ANK3: variants seen among roughly 807,000 people sequenced by gnomAD.
ANK3 encodes ankyrin-3.
ANK3 carries 57 observed loss-of-function variants against 370.9 expected under a neutral mutation model. The observed-to-expected ratio is 0.15, with a 90% confidence interval of 0.12 to 0.19. The LOEUF is 0.19. Ranked by LOEUF, ANK3 falls within the 10% of genes least tolerant of loss-of-function variation. ANK3 has a pLI of 1.00. For missense variants in ANK3, 4,439 were observed against 5,302.1 expected (o/e 0.84, Z 5.06); for synonymous variants, 1,929 against 1,946.3 (o/e 0.99, Z 0.23).
At chr10:60,080,382 G>T in intron 36 of ANK3, 155 bp downstream of exon 36, 1 of 626,286 alleles carries the variant, frequency 1.6e-6, no homozygotes, top group South Asian at 2.1e-5. Context: ...CTTCAACTAG[G>T]CACAAAATAT....
In ANK3 at chr10:60,140,138, C is replaced by G. The variant is rs138810470; in HGVS notation, c.2615-1051G>C. ...TTCCATTCATTTAAACTCAGGAAAC[C>G]GCAAGAGCTCAGCTTTTAAACTACC... On this transcript the variant is annotated intron_variant, in intron 23 of 43. Coordinates refer to ENST00000280772, the MANE Select transcript of ANK3 (RefSeq NM_020987.5). 1.4e-5 allele frequency: 8 copies of G among 575,626 alleles called. No individual in the cohort carries two copies. In the African/African-American group the frequency reaches 1.5e-4, roughly 11 times the overall value. 35.7% of individuals were successfully genotyped at this position (575,626 alleles called of 1,614,324 possible). A position where few individuals can be genotyped will look rare whatever the true frequency, so the allele number is the denominator to read the frequency against.
chr10:60,050,291 T>C (rs938428051), intron 42 of ANK3, among the ~76,000 whole-genome samples: 43 of 152,198 alleles, frequency 2.8e-4, no homozygotes, highest in African/African-American at 9.9e-4. Flanking sequence ...AGGAACCCTA[T>C]TGAGCTTACA....
intron 1 of ANK3, chr10:60,685,240 G>C: frequency 3.3e-6 from 1 of 300,880 alleles, no homozygotes; most frequent in Admixed American, 5.0e-5. Flanking sequence ...ATTTGTAGAG[G>C]ATGAGTAAAT....
chr10:60,570,752 A>G (rs1475797150), intron 2 of ANK3, among the ~76,000 whole-genome samples: 1 of 152,138 alleles, frequency 6.6e-6, no homozygotes, highest in East Asian at 1.9e-4. Context: ...TGAAGGAAGA[A>G]GGGCTCAAAG....
rs369120639 is a variant in ANK3, at chr10:60,200,122, C to T, written c.1491+7G>A. On this transcript the variant is annotated splice_region_variant and intron_variant, in intron 13 of 43. Transcript: ENST00000280772. ...AATTTCAAACACTTGTCAAGTATTGCGCATACCTTAGCTTTAGCTTCTACC... is the reference window on the plus strand; with the variant it reads ...AATTTCAAACACTTGTCAAGTATTGTGCATACCTTAGCTTTAGCTTCTACC... 9.3e-6 allele frequency: 15 copies of T among 1,610,588 alleles called. No individual in the cohort carries two copies. Among genetic ancestry groups the T allele is most frequent in the Admixed American group, 1.7e-5 (1 of 59,980 alleles).
In ANK3 at chr10:60,360,400, A is replaced by G. The variant is rs2058416306; in HGVS notation, c.114+29025T>C. ...GGTATGAAATATTTCTTACTATGTG[A>G]AGAGAAAAATAAAGAGTACTATCTA... On this transcript the variant is annotated intron_variant, in intron 1 of 43. Coordinates refer to ENST00000280772, the MANE Select transcript of ANK3 (RefSeq NM_020987.5). Among the ~76,000 whole-genome samples the G allele has an allele frequency of 2.0e-5, 3 of 152,320 alleles. No individual in the cohort carries two copies. The South Asian group carries it at 6.2e-4, about 32-fold the overall frequency.
intron 7 of ANK3, among the ~76,000 whole-genome samples, chr10:60,243,778 T>G (rs2097511199): frequency 6.6e-6 from 1 of 152,128 alleles, no homozygotes; most frequent in South Asian, 2.1e-4. Context: ...ATAATTTGGG[T>G]AGAAAAGACA....
At chr10:60,386,014 T>C (rs2062234681) in intron 1 of ANK3, among the ~76,000 whole-genome samples, 1 of 152,182 alleles carries the variant, frequency 6.6e-6, no homozygotes, top group Non-Finnish European at 1.5e-5. Context: ...GACTGCAGCC[T>C]GACCACAAAG....
At chr10:60,581,956 T>G (rs1205600663) in intron 2 of ANK3, among the ~76,000 whole-genome samples, 1 of 152,050 alleles carries the variant, frequency 6.6e-6, no homozygotes, top group Non-Finnish European at 1.5e-5. Context: ...AAAGGATGAG[T>G]TCATGTTATT....
At chr10:60,707,917 A>C (rs180960029) in intron 1 of ANK3, among the ~76,000 whole-genome samples, 1 of 152,204 alleles carries the variant, frequency 6.6e-6, no homozygotes, top group Non-Finnish European at 1.5e-5. Flanking sequence ...AAGGAAAAAA[A>C]GGGAAACAAG....
chr10:60,144,231 A>T (rs1233364949), intron 23 of ANK3: 1 of 443,932 alleles, frequency 2.3e-6, no homozygotes, highest in Non-Finnish European at 4.5e-6. Context: ...AACCAAAACA[A>T]AAATGAGAAA....
chr10:60,200,014 G>A (rs1485342083), intron 13 of ANK3, 115 bp downstream of exon 13: 1 of 726,046 alleles, frequency 1.4e-6, no homozygotes, highest in South Asian at 1.9e-5. Flanking sequence ...TATCATTGGA[G>A]GTTTTTCAAT....
intron 23 of ANK3, among the ~76,000 whole-genome samples, chr10:60,164,189 T>TA (rs1027448639): frequency 6.6e-6 from 1 of 152,164 alleles, no homozygotes; most frequent in African/African-American, 2.4e-5. Flanking sequence ...CATAAATACA[T>TA]AATAGGGCAA....
chr10:60,408,287 G>A (rs916272232), intron 2 of ANK3, among the ~76,000 whole-genome samples: 2 of 152,156 alleles, frequency 1.3e-5, no homozygotes, highest in African/African-American at 4.8e-5. Flanking sequence ...CCCAGTGTTG[G>A]GGTGTGGCTT....
chr10:60,689,677 A>C lies in ANK3; in HGVS notation c.57+43586T>G, dbSNP rs189045762. Among the ~76,000 whole-genome samples the C allele has an allele frequency of 5.4e-4, 82 of 151,672 alleles. 1 individual carries two copies. The East Asian group carries it at 0.012, about 22-fold the overall frequency. On this transcript the variant is annotated intron_variant, in intron 1 of 43. Coordinates refer to the ANK3 transcript ENST00000373827. ...TGAGGCAGGAGAATCGCCTGAACCC[A>C]GAAGGTGGAAGTTGCAGTGAGCCAA...
intron 2 of ANK3, among the ~76,000 whole-genome samples, chr10:60,490,220 C>T (rs986552342): frequency 1.3e-5 from 2 of 152,208 alleles, no homozygotes; most frequent in East Asian, 3.8e-4. Flanking sequence ...AAGCTCTACA[C>T]CAGTGGTTCT....
At position 60,055,988 on chromosome 10, in the gene ANK3, A is replaced by G. The variant is rs1201307386; in HGVS notation, c.12735T>C (p.Ala4245=). ...GGCTTCCATTTGCTTCAAATTTGCCAGCTTCTCCTTTGAGATATGAGGTAA... is the reference window on the plus strand; with the variant it reads ...GGCTTCCATTTGCTTCAAATTTGCCGGCTTCTCCTTTGAGATATGAGGTAA... ...DSITSYLKGE[A]GKFEANGSHT... is the part of the protein sequence containing the mutation. The change falls in exon 42 of 44, where the codon GCT becomes GCC. Residue 4245 remains alanine (A), a synonymous_variant. Coordinates refer to ENST00000280772, the MANE Select transcript of ANK3 (RefSeq NM_020987.5). 2 of 1,613,862 alleles carry G rather than the reference A, an allele frequency of 1.2e-6. No homozygotes were observed. Among genetic ancestry groups the G allele is most frequent in the Non-Finnish European group, 1.7e-6 (2 of 1,180,010 alleles).
chr10:60,648,731 C>G (rs2078745820), intron 1 of ANK3, among the ~76,000 whole-genome samples: 1 of 146,972 alleles, frequency 6.8e-6, no homozygotes, highest in Non-Finnish European at 1.5e-5. Flanking sequence ...GTTCACGCCA[C>G]TGAACTCCAG....
intron 2 of ANK3, among the ~76,000 whole-genome samples, chr10:60,410,807 A>G (rs985258160): frequency 2.0e-5 from 3 of 152,084 alleles, no homozygotes; most frequent in Non-Finnish European, 4.4e-5. Flanking sequence ...CTGGGACTAC[A>G]GGTGCACACC....
Sources: gnomAD v4.1 joint callset for allele counts (sites outside exome capture counted in the v4.1 genomes callset) on GRCh38, gnomAD v4.1.1 for gene constraint, MANE v1.5 for transcripts, NCBI Gene and HGNC (gene_info 2026-07-23, HGNC 2026-07-21) for gene names.